The following TNFAIP8 variants were observed in gnomAD, a reference collection of about 807,000 sequenced individuals.
TNFAIP8 encodes the protein tumor necrosis factor alpha-induced protein 8.
A neutral mutation model predicts 13.3 loss-of-function variants in TNFAIP8; 7 were observed. The observed-to-expected ratio is 0.52, with a 90% confidence interval of 0.30 to 0.99. TNFAIP8 has a LOEUF of 0.99. TNFAIP8 is among the 50% of genes least tolerant of loss of function. The pLI, the probability that TNFAIP8 is intolerant of heterozygous loss-of-function variation, is 0.07. For missense variants in TNFAIP8, 258 were observed against 236.9 expected, an observed-to-expected ratio of 1.09 and a Z score of -0.58; for synonymous variants, 94 against 87.6, an observed-to-expected ratio of 1.07 and a Z score of -0.41.
chr5:119,347,231 A>C (rs1454208972), intron 1 of TNFAIP8, among the ~76,000 whole-genome samples: 1 of 152,228 alleles, frequency 6.6e-6, no homozygotes, highest in African/African-American at 2.4e-5. Context: ...AAGAGGGAAC[A>C]GCAAATTCCC....
At chr5:119,387,966 A>G (rs1752743621) in intron 1 of TNFAIP8, among the ~76,000 whole-genome samples, 1 of 152,218 alleles carries the variant, frequency 6.6e-6, no homozygotes, top group Non-Finnish European at 1.5e-5. Flanking sequence ...TAAGAGGCAA[A>G]AAACTGAATG....
intron 1 of TNFAIP8, among the ~76,000 whole-genome samples, chr5:119,390,207 A>G (rs1201507802): frequency 2.0e-5 from 3 of 152,240 alleles, no homozygotes; most frequent in African/African-American, 7.2e-5. Context: ...ACATTAAAAA[A>G]AAACACAATA....
At chr5:119,329,455 T>G (rs961795940) in intron 1 of TNFAIP8, among the ~76,000 whole-genome samples, 3 of 152,170 alleles carry the variant, frequency 2.0e-5, no homozygotes, top group African/African-American at 7.2e-5. Flanking sequence ...TCACACTGCT[T>G]AACTCACTAC....
chr5:119,271,343 C>T (rs1343828007), intron 1 of TNFAIP8, among the ~76,000 whole-genome samples: 1 of 152,094 alleles, frequency 6.6e-6, no homozygotes, highest in African/African-American at 2.4e-5. Context: ...TGCCACAGTG[C>T]CAGGCACTGC....
chr5:119,330,238 G>T (rs1316684540), intron 1 of TNFAIP8, among the ~76,000 whole-genome samples: 1 of 152,162 alleles, frequency 6.6e-6, no homozygotes, highest in Non-Finnish European at 1.5e-5. Flanking sequence ...AAGCACTAGG[G>T]ATTAGGGAAC....
intron 1 of TNFAIP8, among the ~76,000 whole-genome samples, chr5:119,282,061 A>G (rs1748647828): frequency 6.6e-6 from 1 of 152,212 alleles, no homozygotes; most frequent in Non-Finnish European, 1.5e-5. Context: ...CTCTTTTAGC[A>G]CTTTTCAGAG....
At chr5:119,352,531 T>G (rs1426628677), upstream of TNFAIP8, among the ~76,000 whole-genome samples, 2 of 152,194 alleles carry the variant, frequency 1.3e-5, no homozygotes, top group Non-Finnish European at 2.9e-5. Flanking sequence ...AGAGAACATA[T>G]AACATTCTTG....
At chr5:119,345,205 T>C (rs1159846509) in intron 1 of TNFAIP8, among the ~76,000 whole-genome samples, 1 of 152,206 alleles carries the variant, frequency 6.6e-6, no homozygotes, top group African/African-American at 2.4e-5. Context: ...TAATGGAATG[T>C]ATGTACCTGT....
chr5:119,373,623 G>C (rs778518846), intron 1 of TNFAIP8, among the ~76,000 whole-genome samples: 1 of 152,194 alleles, frequency 6.6e-6, no homozygotes, highest in Non-Finnish European at 1.5e-5. Context: ...TGAGATCTTT[G>C]AGGCAGAACT....
upstream of TNFAIP8, chr5:119,355,230 C>T: frequency 1.4e-6 from 1 of 691,080 alleles, no homozygotes; most frequent in East Asian, 2.7e-5. Context: ...GGAATTCATC[C>T]CCAGTTTTTG....
At chr5:119,373,281 C>T (rs1211319310) in intron 1 of TNFAIP8, among the ~76,000 whole-genome samples, 3 of 152,176 alleles carry the variant, frequency 2.0e-5, no homozygotes, top group African/African-American at 7.2e-5. Flanking sequence ...ACTCTTACCC[C>T]AAAATGTAAG....
intron 1 of TNFAIP8, among the ~76,000 whole-genome samples, chr5:119,340,885 C>T (rs967846868): frequency 6.6e-6 from 1 of 152,100 alleles, no homozygotes; most frequent in African/African-American, 2.4e-5. Context: ...ATAGAGGGGT[C>T]GTTTCCTTTG....
intron 1 of TNFAIP8, among the ~76,000 whole-genome samples, chr5:119,348,091 T>G (rs1750974074): frequency 6.6e-6 from 1 of 152,232 alleles, no homozygotes; most frequent in Non-Finnish European, 1.5e-5. Flanking sequence ...GGCCCCTTAC[T>G]CAACCTGTCT....
At chr5:119,303,602 C>T (rs1749459911) in intron 1 of TNFAIP8, among the ~76,000 whole-genome samples, 1 of 152,038 alleles carries the variant, frequency 6.6e-6, no homozygotes, top group Non-Finnish European at 1.5e-5. Context: ...GGCATATTAA[C>T]CGGAAAGGTT....
upstream of TNFAIP8, chr5:119,355,846 C>G (rs115560195): frequency 2.1e-4 from 224 of 1,085,996 alleles, no homozygotes; most frequent in Middle Eastern, 4.0e-4. Context: ...GCTGCCGGCC[C>G]GAGCGCGCGG....
intron 1 of TNFAIP8, among the ~76,000 whole-genome samples, chr5:119,347,956 C>A (rs1750970143): frequency 6.6e-6 from 1 of 152,198 alleles, no homozygotes; most frequent in Non-Finnish European, 1.5e-5. Context: ...AGATCTCAGA[C>A]CAGGAGTCTG....
chr5:119,328,970 C>T (rs1295378923), intron 1 of TNFAIP8, among the ~76,000 whole-genome samples: 1 of 152,204 alleles, frequency 6.6e-6, no homozygotes, highest in Non-Finnish European at 1.5e-5. Context: ...TGTTTCTTTG[C>T]TTTCTAAATG....
At chr5:119,316,285 G>A (rs1295559025) in intron 1 of TNFAIP8, 4 of 151,408 alleles carry the variant, frequency 2.6e-5, no homozygotes, top group African/African-American at 4.9e-5. Flanking sequence ...TCAGTCTCCT[G>A]AGTAGCTGGA....
intron 1 of TNFAIP8, among the ~76,000 whole-genome samples, chr5:119,290,749 G>A (rs780246979): frequency 6.6e-6 from 1 of 152,206 alleles, no homozygotes; most frequent in Non-Finnish European, 1.5e-5. Flanking sequence ...AAGGAAGGAG[G>A]CAGAATGTAA....
Sources: allele counts gnomAD v4.1 joint callset (sites outside exome capture counted in the v4.1 genomes callset), GRCh38; gene constraint gnomAD v4.1.1; transcripts MANE v1.5; gene names NCBI Gene and HGNC (gene_info 2026-07-23, HGNC 2026-07-21).